The following INSYN2A variants were observed in gnomAD, a reference collection of about 807,000 sequenced individuals.
INSYN2A encodes inhibitory synaptic factor 2A.
Under a neutral mutation model 39.4 loss-of-function variants are expected in INSYN2A, and 17 were observed. The observed-to-expected ratio is 0.43, with a 90% CI of 0.30 to 0.65. The LOEUF (loss-of-function observed/expected upper bound fraction) is 0.65. Ranked by LOEUF, INSYN2A falls within the 30% of genes least tolerant of loss-of-function variation. The pLI, the probability that INSYN2A is intolerant of heterozygous loss-of-function variation, is 0.14. For synonymous variants in INSYN2A, 255 were observed against 265.7 expected (o/e 0.96, Z 0.39); for missense variants, 595 against 631.2 (o/e 0.94, Z 0.61).
chr10:127,182,021 T>C (rs1427023007), intron 2 of INSYN2A, among the ~76,000 whole-genome samples: 2 of 152,180 alleles, frequency 1.3e-5, no homozygotes, highest in Admixed American at 1.3e-4. Context: ...AAGGGGTGAC[T>C]GGATGAATTC....
In INSYN2A at chr10:127,136,002, A is replaced by G. The variant is rs1275772364; in HGVS notation, c.*1835T>C. 6.5e-6 allele frequency: 1 copy of G among 152,678 alleles called. No individual in the cohort carries two copies. The highest frequency in any genetic ancestry group is 6.5e-5 in the Admixed American group (1 of 15,288). The allele number at this position is 152,678 out of a possible 1,614,324, so 9.5% of individuals were successfully genotyped here. On this transcript the variant is annotated 3_prime_UTR_variant, in exon 6 of 6. Transcript: ENST00000522781. ...AACAGTTACACTTCCTTCATGTTAC[A>G]GGATCAACTTCCTCATTGTTCTTGC...
chr10:127,176,484 G>A lies in INSYN2A; in HGVS notation c.-5-84C>T, dbSNP rs2055172287. On this transcript the variant is annotated intron_variant, in intron 3 of 5. Transcript: ENST00000522781. This position sits in a 1 kb window ranked among gnomAD's most constrained non-coding sequence, Gnocchi z 4.4. The stretch of plus-strand genomic sequence containing the variant: ...GGCCGCACAAACTTTTAGCCACCAC[G>A]ACGACTGCCTGTTTCCTAATTATAT... 2 of 1,104,302 alleles carry A rather than the reference G, an allele frequency of 1.8e-6. No individual in the cohort carries two copies. The highest frequency in any genetic ancestry group is 2.6e-6 in the Non-Finnish European group (2 of 772,300). 68.4% of individuals were successfully genotyped at this position (1,104,302 alleles called of 1,614,324 possible). A position where few individuals can be genotyped will look rare whatever the true frequency, so the allele number is the denominator to read the frequency against.
At chr10:127,140,034 C>T (rs1233711496) in intron 5 of INSYN2A, among the ~76,000 whole-genome samples, 1 of 152,136 alleles carries the variant, frequency 6.6e-6, no homozygotes, top group African/African-American at 2.4e-5. Context: ...AAGCGTAATT[C>T]TACCAAGGTG....
chr10:127,189,974 T>C (rs2056598033), intron 2 of INSYN2A, among the ~76,000 whole-genome samples: 1 of 152,228 alleles, frequency 6.6e-6, no homozygotes, highest in African/African-American at 2.4e-5. Flanking sequence ...CCTTCTCTCA[T>C]GCTGGCCCGA....
chr10:127,165,202 A>G (rs1430062891), intron 4 of INSYN2A, among the ~76,000 whole-genome samples: 1 of 152,156 alleles, frequency 6.6e-6, no homozygotes. Context: ...ATATCCACAG[A>G]GTCTTTTATC....
intron 5 of INSYN2A, among the ~76,000 whole-genome samples, chr10:127,144,916 T>A (rs1207216868): frequency 2.6e-5 from 4 of 152,160 alleles, no homozygotes; most frequent in Non-Finnish European, 4.4e-5. Context: ...CCCCTTTTCC[T>A]GGTATACTAT....
intron 5 of INSYN2A, among the ~76,000 whole-genome samples, chr10:127,139,086 T>C (rs1321334240): frequency 6.6e-6 from 1 of 152,210 alleles, no homozygotes; most frequent in Non-Finnish European, 1.5e-5. Flanking sequence ...CCTCCTTCCA[T>C]GTCTGGTCTG....
intron 4 of INSYN2A, among the ~76,000 whole-genome samples, chr10:127,171,642 A>G (rs2054583421): frequency 6.6e-6 from 1 of 152,192 alleles, no homozygotes; most frequent in Non-Finnish European, 1.5e-5. Flanking sequence ...CCCAGCTTCA[A>G]GAGTGTTCTC....
chr10:127,196,545 C>T lies in INSYN2A; in HGVS notation c.-943G>A, dbSNP rs1380035745. Reference sequence around the variant, plus strand: ...AGAGGCGAGGGCGCCCCAAGCCGCGCGCCTGCCGCCTGTGCGCCCGGCTGG... The same window carrying T: ...AGAGGCGAGGGCGCCCCAAGCCGCGTGCCTGCCGCCTGTGCGCCCGGCTGG... On this transcript the variant is annotated 5_prime_UTR_variant, in exon 1 of 6. Coordinates refer to ENST00000522781, the MANE Select transcript of INSYN2A (RefSeq NM_001039762.3). 6.8e-6 allele frequency among the ~76,000 whole-genome samples: 1 copy of T among 147,272 alleles called. No individual in the cohort carries two copies. Among genetic ancestry groups the T allele is most frequent in the Non-Finnish European group, 1.5e-5 (1 of 66,456 alleles).
chr10:127,180,649 T>G (rs2133960015), intron 2 of INSYN2A, among the ~76,000 whole-genome samples: 1 of 152,348 alleles, frequency 6.6e-6, no homozygotes, highest in South Asian at 2.1e-4. Flanking sequence ...TTTAAATTAA[T>G]GGCTGATATG....
rs1289729949 is a variant in INSYN2A, at chr10:127,136,935, A to G, written c.*902T>C. On this transcript the variant is annotated 3_prime_UTR_variant, in exon 6 of 6. Transcript: ENST00000522781. ...TCGATCCACAAAAACACTGTCTGCC[A>G]TGGCACAGAATGCCTGTGATTTATT... 1 of 152,658 alleles carries G rather than the reference A, an allele frequency of 6.6e-6. No homozygotes were observed. The highest frequency in any genetic ancestry group is 1.5e-5 in the Non-Finnish European group (1 of 68,032). The allele number at this position is 152,658 out of a possible 1,614,324, so 9.5% of individuals were successfully genotyped here. A position where few individuals can be genotyped will look rare whatever the true frequency, so the allele number is the denominator to read the frequency against.
intron 5 of INSYN2A, among the ~76,000 whole-genome samples, chr10:127,138,972 GTGA>G (rs2050964611): frequency 6.6e-6 from 1 of 152,160 alleles, no homozygotes; most frequent in African/African-American, 2.4e-5. Flanking sequence ...TCGTTTTTCT[GTGA>G]TGATCTCTGC....
At chr10:127,160,646 G>C (rs1025538751) in intron 4 of INSYN2A, among the ~76,000 whole-genome samples, 1 of 152,194 alleles carries the variant, frequency 6.6e-6, no homozygotes, top group Non-Finnish European at 1.5e-5. Context: ...ATTACATAGG[G>C]TATGGCAATT....
chr10:127,148,030 C>CAAAAA (rs57503481), intron 5 of INSYN2A, among the ~76,000 whole-genome samples: 5 of 63,316 alleles, frequency 7.9e-5, no homozygotes, highest in Non-Finnish European at 1.3e-4. Flanking sequence ...GACTCTGTCT[C>CAAAAA]AAAAAAAAAA....
chr10:127,152,864 T>C (rs2052641356), intron 5 of INSYN2A, among the ~76,000 whole-genome samples: 1 of 152,142 alleles, frequency 6.6e-6, no homozygotes, highest in Non-Finnish European at 1.5e-5. Flanking sequence ...TGCTTTTGCT[T>C]TTAAGGAACC....
intron 5 of INSYN2A, among the ~76,000 whole-genome samples, chr10:127,147,909 T>TAGTCCCA (rs1472593049): frequency 6.6e-6 from 1 of 151,636 alleles, no homozygotes; most frequent in Non-Finnish European, 1.5e-5. Context: ...TGCGCGCACG[T>TAGTCCCA]AGTCCCAGCT....
At chr10:127,153,632 T>C (rs1194725204) in intron 5 of INSYN2A, among the ~76,000 whole-genome samples, 1 of 152,208 alleles carries the variant, frequency 6.6e-6, no homozygotes, top group Non-Finnish European at 1.5e-5. Flanking sequence ...ACCACTAAGA[T>C]ACATTTGCAA....
chr10:127,186,776 G>A (rs1302324572), intron 2 of INSYN2A, among the ~76,000 whole-genome samples: 1 of 152,060 alleles, frequency 6.6e-6, no homozygotes, highest in African/African-American at 2.4e-5. Context: ...ACGTGGAGAG[G>A]AAGGAGAAGG....
chr10:127,138,586 A>G (rs992011272), intron 5 of INSYN2A, among the ~76,000 whole-genome samples: 15 of 152,160 alleles, frequency 9.9e-5, no homozygotes, highest in Non-Finnish European at 2.2e-4. Context: ...AACGCTGGGG[A>G]AAATAGTGTG....
Sources: allele counts gnomAD v4.1 joint callset (sites outside exome capture counted in the v4.1 genomes callset), GRCh38; gene constraint gnomAD v4.1.1; non-coding constraint Gnocchi (gnomAD v3.1); transcripts MANE v1.5; gene names NCBI Gene and HGNC (gene_info 2026-07-23, HGNC 2026-07-21).